Variants in DENND6A observed in about 807,000 individuals in gnomAD.
DENND6A encodes the protein DENN domain containing 6A.
A neutral mutation model predicts 95.5 loss-of-function variants in DENND6A; 43 were observed. The ratio of observed to expected loss-of-function variants is 0.45; its 90% confidence interval spans 0.35 to 0.58. The LOEUF is 0.58. Ranked by LOEUF, DENND6A falls within the 20% of genes least tolerant of loss-of-function variation. The pLI, the probability that DENND6A is intolerant of heterozygous loss-of-function variation, is 0.00. For synonymous variants in DENND6A, 257 were observed against 260.4 expected (o/e 0.99, Z 0.13); for missense variants, 574 against 736.0 (o/e 0.78, Z 2.55).
chr3:57,654,700 C>T, intron 9 of DENND6A: 1 of 984,900 alleles, frequency 1.0e-6, no homozygotes, highest in East Asian at 1.1e-4. Flanking sequence ...AAGCTGAAAC[C>T]AAAGGCGTGG....
In DENND6A at chr3:57,693,056, G is replaced by T. The variant is rs748413869; in HGVS notation, c.-38C>A. 1.3e-5 allele frequency: 18 copies of T among 1,356,800 alleles called. No individual in the cohort carries two copies. The highest frequency in any genetic ancestry group is 8.0e-5 in the Admixed American group (2 of 24,932). The allele number at this position is 1,356,800 out of a possible 1,614,324, so 84.0% of individuals were successfully genotyped here. ...GACCGTTCGCGCCGCCTCCACAGCG[G>T]ACCGCGCCGCAGAGCGCGCTTGCCT... On this transcript the variant is annotated 5_prime_UTR_variant, in exon 1 of 20. Transcript: ENST00000311128.
intron 12 of DENND6A, among the ~76,000 whole-genome samples, chr3:57,639,667 G>A (rs1009982188): frequency 5.3e-5 from 8 of 152,234 alleles, no homozygotes; most frequent in Middle Eastern, 3.4e-3. Flanking sequence ...AGAGTACCAT[G>A]CATCAGGCAC....
intron 15 of DENND6A, among the ~76,000 whole-genome samples, chr3:57,632,059 C>T (rs1281177016): frequency 1.8e-4 from 23 of 130,258 alleles, no homozygotes; most frequent in Non-Finnish European, 2.6e-4. Flanking sequence ...CTCACTCTTT[C>T]GCCCAGGCTG....
chr3:57,652,049 A>T (rs930807313), intron 9 of DENND6A, among the ~76,000 whole-genome samples: 2 of 151,946 alleles, frequency 1.3e-5, no homozygotes, highest in African/African-American at 4.8e-5. Context: ...ATAATAAAAT[A>T]AAAATAAAAA....
chr3:57,625,634 T>A lies in DENND6A; in HGVS notation c.*2580A>T, dbSNP rs2070512393. ...TGTCAGGGTTTACATAGTAACAAAT[T>A]CTTCTTAAAAAAAAAAAGACAAATC... On this transcript the variant is annotated 3_prime_UTR_variant, in exon 20 of 20. Transcript: ENST00000311128. 1 of 152,238 alleles carries A rather than the reference T, an allele frequency of 6.6e-6. No individual in the cohort carries two copies. Among genetic ancestry groups the A allele is most frequent in the Admixed American group, 6.6e-5 (1 of 15,224 alleles). The allele number at this position is 152,238 out of a possible 1,614,324, so 9.4% of individuals were successfully genotyped here.
Position 57,693,040 on chromosome 3 carries a change from C to A in DENND6A, c.-22G>T. ...CCATCGGCCGCCCCCTGACCGTTCG[C>A]GCCGCCTCCACAGCGGACCGCGCCG... On this transcript the variant is annotated 5_prime_UTR_variant, in exon 1 of 20. Transcript: ENST00000311128. 1 of 1,387,740 alleles carries A rather than the reference C, an allele frequency of 7.2e-7. No individual in the cohort carries two copies. Among genetic ancestry groups the A allele is most frequent in the Admixed American group, 3.7e-5 (1 of 26,690 alleles). 86.0% of individuals were successfully genotyped at this position (1,387,740 alleles called of 1,614,324 possible). A position where few individuals can be genotyped will look rare whatever the true frequency, so the allele number is the denominator to read the frequency against.
chr3:57,641,190 A>T (rs1022734660), intron 12 of DENND6A, among the ~76,000 whole-genome samples: 1 of 144,690 alleles, frequency 6.9e-6, no homozygotes, highest in Non-Finnish European at 1.5e-5. Context: ...ATATATATTT[A>T]TATATATTTA....
intron 18 of DENND6A, 94 bp from the exon 19 acceptor site, chr3:57,628,979 G>A: frequency 9.3e-7 from 1 of 1,078,872 alleles, no homozygotes; most frequent in Non-Finnish European, 1.3e-6. Flanking sequence ...GGAAAGACAA[G>A]AAGGAAAAGG....
intron 9 of DENND6A, among the ~76,000 whole-genome samples, chr3:57,652,931 A>G (rs892673400): frequency 2.0e-5 from 3 of 152,242 alleles, no homozygotes; most frequent in Admixed American, 1.3e-4. Flanking sequence ...GCAACAGATG[A>G]TTCTCAACTA....
At position 57,692,896 on chromosome 3, in the gene DENND6A, G is replaced by T; in HGVS notation, c.123C>A (p.Asp41Glu). ...ALVAAGGAPE[D>E]DEEDDGRGRG... The stretch of plus-strand genomic sequence containing the variant: ...GGCCACGGCCATCGTCCTCTTCATC[G>T]TCCTCTGGCGCGCCTCCCGCCGCCA... The change falls in exon 1 of 20, where the codon GAC becomes GAA. Residue 41 changes from aspartate to glutamate, a missense_variant. By Grantham distance (45) the Asp-to-Glu change is conservative (BLOSUM62 2). Transcript: ENST00000311128. 1.3e-6 allele frequency: 2 copies of T among 1,570,992 alleles called. No homozygotes were observed. The highest frequency in any genetic ancestry group is 1.7e-6 in the Non-Finnish European group (2 of 1,164,038).
At chr3:57,660,890 A>G in intron 6 of DENND6A, 51 bp from the exon 7 acceptor site, 1 of 1,466,278 alleles carries the variant, frequency 6.8e-7, no homozygotes, top group Non-Finnish European at 9.2e-7. Context: ...ATATCAAAGT[A>G]TTAAAAATGA....
intron 2 of DENND6A, 23 bp downstream of exon 2, chr3:57,672,377 T>A: frequency 1.2e-6 from 2 of 1,612,442 alleles, no homozygotes; most frequent in Non-Finnish European, 1.7e-6. Context: ...CAGTAAACTA[T>A]ACAGAGCAGT....
At chr3:57,632,666 C>A (rs2070711804) in intron 15 of DENND6A, among the ~76,000 whole-genome samples, 1 of 152,122 alleles carries the variant, frequency 6.6e-6, no homozygotes, top group Non-Finnish European at 1.5e-5. Context: ...CAAAAAGTTT[C>A]TCTATGATGC....
chr3:57,633,716 C>G (rs2070733973), intron 14 of DENND6A, among the ~76,000 whole-genome samples: 1 of 152,036 alleles, frequency 6.6e-6, no homozygotes, highest in Non-Finnish European at 1.5e-5. Context: ...TGGTGAAACC[C>G]CGTCTCTACT....
intron 15 of DENND6A, among the ~76,000 whole-genome samples, chr3:57,632,953 C>A (rs1424271983): frequency 2.6e-5 from 4 of 152,086 alleles, no homozygotes; most frequent in Non-Finnish European, 5.9e-5. Flanking sequence ...GTAGTAACTA[C>A]ATAACATTTC....
At chr3:57,670,920 A>T (rs1055489640) in intron 3 of DENND6A, among the ~76,000 whole-genome samples, 6 of 152,190 alleles carry the variant, frequency 3.9e-5, no homozygotes, top group South Asian at 2.1e-4. Context: ...GTATGTACAG[A>T]TTTTATAAGA....
At chr3:57,631,061 G>C (rs998584373) in intron 15 of DENND6A, 83 bp from the exon 16 acceptor site, 7 of 1,317,790 alleles carry the variant, frequency 5.3e-6, no homozygotes, top group Non-Finnish European at 5.3e-6. Context: ...GGTCTTTTAA[G>C]TTTTTAATCA....
At chr3:57,681,412 C>T (rs528442374) in intron 1 of DENND6A, among the ~76,000 whole-genome samples, 1 of 151,310 alleles carries the variant, frequency 6.6e-6, no homozygotes, top group South Asian at 2.1e-4. Context: ...TGCAGTGAGC[C>T]GAGATCACGC....
intron 12 of DENND6A, among the ~76,000 whole-genome samples, chr3:57,637,850 C>A (rs1183534500): frequency 6.6e-6 from 1 of 150,676 alleles, no homozygotes; most frequent in Non-Finnish European, 1.5e-5. Flanking sequence ...AACTCCTGTG[C>A]ACAGGCCGGG....
Sources: gnomAD v4.1 joint callset for allele counts (sites outside exome capture counted in the v4.1 genomes callset) on GRCh38, gnomAD v4.1.1 for gene constraint, MANE v1.5 for transcripts, NCBI Gene and HGNC (gene_info 2026-07-23, HGNC 2026-07-21) for gene names.